TMEM132B: variants seen among roughly 807,000 people sequenced by gnomAD.
The protein encoded by TMEM132B is transmembrane protein 132B.
Under a neutral mutation model 90.8 loss-of-function variants are expected in TMEM132B, and 18 were observed. That is an observed-to-expected ratio of 0.20 (90% CI 0.14 to 0.29). TMEM132B has a LOEUF of 0.29. TMEM132B is among the 10% of genes least tolerant of loss of function. TMEM132B has a pLI of 1.00. For missense variants in TMEM132B, 1,096 were observed against 1,326.8 expected (o/e 0.83, Z 2.70); for synonymous variants, 504 against 523.3 (o/e 0.96, Z 0.50).
chr12:125,595,858 T>C (rs1201381553), intron 5 of TMEM132B, among the ~76,000 whole-genome samples: 1 of 138,242 alleles, frequency 7.2e-6, no homozygotes, highest in Non-Finnish European at 1.5e-5. Context: ...TTCATGCTTA[T>C]TTCTCAGGGC....
At position 125,660,504 on chromosome 12, in the gene TMEM132B, A is replaced by G. The variant is rs1219939068; in HGVS notation, c.*5794A>G. The G allele has an allele frequency of 6.6e-6, 1 of 152,060 alleles. No homozygotes were observed. The highest frequency in any genetic ancestry group is 1.9e-4 in the East Asian group (1 of 5,174). 9.4% of individuals were successfully genotyped at this position (152,060 alleles called of 1,614,324 possible). On this transcript the variant is annotated 3_prime_UTR_variant, in exon 9 of 9. Coordinates refer to ENST00000682704, the MANE Select transcript of TMEM132B (RefSeq NM_001366854.1). ...TTCTTTATGGTTTTATACAATTGAG[A>G]TAGGTTCTGAAGTTTTTTTGTTGTT...
intron 4 of TMEM132B, among the ~76,000 whole-genome samples, chr12:125,560,735 C>G (rs9804901): frequency 0.95 from 143,849 of 151,198 alleles, 68,460 homozygotes; most frequent in African/African-American, 0.98. Flanking sequence ...TGAGGCAGGA[C>G]AATGGCGTGA....
intron 4 of TMEM132B, among the ~76,000 whole-genome samples, chr12:125,551,825 C>T (rs116419983): frequency 0.01 from 1,567 of 152,264 alleles, 29 homozygotes; most frequent in African/African-American, 0.036. Context: ...ATGGGTCTGT[C>T]ATTCTTCTTC....
intron 5 of TMEM132B, among the ~76,000 whole-genome samples, chr12:125,599,743 T>TG (rs1346413191): frequency 1.3e-5 from 2 of 152,184 alleles, no homozygotes; most frequent in Non-Finnish European, 1.5e-5. Context: ...CTGGGAAATC[T>TG]GGAAAAAGAG....
intron 2 of TMEM132B, among the ~76,000 whole-genome samples, chr12:125,355,926 C>T (rs1042867570): frequency 6.6e-6 from 1 of 152,066 alleles, no homozygotes; most frequent in Non-Finnish European, 1.5e-5. Flanking sequence ...TTCTGTGCAG[C>T]ATTAGCACGT....
chr12:125,545,415 C>T (rs1884063501), intron 4 of TMEM132B, among the ~76,000 whole-genome samples: 1 of 152,200 alleles, frequency 6.6e-6, no homozygotes, highest in Non-Finnish European at 1.5e-5. Flanking sequence ...CTCTTCATTT[C>T]CCAACCGGAA....
chr12:125,357,262 C>T (rs893630540), intron 2 of TMEM132B, among the ~76,000 whole-genome samples: 1 of 152,190 alleles, frequency 6.6e-6, no homozygotes, highest in Non-Finnish European at 1.5e-5. Context: ...TTCCTCCTAC[C>T]TGTAATGTGA....
chr12:125,352,834 C>T (rs950401848), intron 2 of TMEM132B, among the ~76,000 whole-genome samples: 10 of 152,154 alleles, frequency 6.6e-5, no homozygotes, highest in Admixed American at 2.6e-4. Context: ...AACAGGATTC[C>T]GAGGCTCTGG....
chr12:125,454,392 T>TG (rs1555250638), intron 3 of TMEM132B, among the ~76,000 whole-genome samples: 8,157 of 112,022 alleles, frequency 0.073, 293 homozygotes, highest in Admixed American at 0.16. Context: ...GTGTGTGTGT[T>TG]TGTGTGTGTG....
chr12:125,566,835 C>CAT (rs1884668834), intron 4 of TMEM132B, among the ~76,000 whole-genome samples: 1 of 78,738 alleles, frequency 1.3e-5, no homozygotes, highest in African/African-American at 6.1e-5. Flanking sequence ...TCTTCTTCTT[C>CAT]TTTTTTTTTT....
intron 1 of TMEM132B, among the ~76,000 whole-genome samples, chr12:125,215,221 C>G (rs953095770): frequency 6.6e-6 from 1 of 152,192 alleles, no homozygotes; most frequent in African/African-American, 2.4e-5. Flanking sequence ...GAGACATTTG[C>G]CACTACCTTA....
intron 1 of TMEM132B, among the ~76,000 whole-genome samples, chr12:125,344,520 G>A (rs1404975689): frequency 6.6e-6 from 1 of 152,154 alleles, no homozygotes; most frequent in Non-Finnish European, 1.5e-5. Flanking sequence ...GGTTTTATAT[G>A]GGGTTAGAAC....
At chr12:125,411,091 G>GT (rs1879808300) in intron 2 of TMEM132B, among the ~76,000 whole-genome samples, 1 of 16,830 alleles carries the variant, frequency 5.9e-5, no homozygotes, top group Non-Finnish European at 1.1e-4. Flanking sequence ...GTGGAGTGGA[G>GT]GAGTGGAGTG....
intron 1 of TMEM132B, among the ~76,000 whole-genome samples, chr12:125,290,858 C>G (rs1455382650): frequency 3.9e-5 from 6 of 152,118 alleles, no homozygotes. Context: ...GTATGGTAGA[C>G]AGAATTGAAG....
intron 5 of TMEM132B, among the ~76,000 whole-genome samples, chr12:125,616,425 G>A (rs1267390669): frequency 6.6e-6 from 1 of 152,142 alleles, no homozygotes; most frequent in East Asian, 1.9e-4. Context: ...TTGCCATGTA[G>A]CTGAAACCCC....
chr12:125,482,556 C>T (rs369788052), intron 3 of TMEM132B, among the ~76,000 whole-genome samples: 2 of 152,208 alleles, frequency 1.3e-5, no homozygotes, highest in East Asian at 1.9e-4. Context: ...TACCATCTCA[C>T]ACCAGTTAGA....
intron 1 of TMEM132B, among the ~76,000 whole-genome samples, chr12:125,242,807 C>T (rs1874103617): frequency 1.3e-5 from 2 of 152,342 alleles, no homozygotes; most frequent in South Asian, 4.1e-4. Flanking sequence ...CTGCCCACTG[C>T]TCCATCCTGT....
At chr12:125,439,942 T>C (rs11608813) in intron 3 of TMEM132B, among the ~76,000 whole-genome samples, 11,658 of 152,304 alleles carry the variant, frequency 0.077, 489 homozygotes, top group Non-Finnish European at 0.11. Flanking sequence ...GCTTTTGTCT[T>C]TAGTTCTATT....
intron 1 of TMEM132B, among the ~76,000 whole-genome samples, chr12:125,206,952 G>A (rs1317990099): frequency 6.6e-6 from 1 of 152,198 alleles, no homozygotes; most frequent in Non-Finnish European, 1.5e-5. Context: ...AGAGGCTCCT[G>A]GGGGAGGTGT....
Sources: allele counts gnomAD v4.1 joint callset (sites outside exome capture counted in the v4.1 genomes callset), GRCh38; gene constraint gnomAD v4.1.1; transcripts MANE v1.5; gene names NCBI Gene and HGNC (gene_info 2026-07-23, HGNC 2026-07-21).